PCDHGA7: variants seen among roughly 807,000 people sequenced by gnomAD.
PCDHGA7 encodes the protein protocadherin gamma subfamily A, 7, also known as protocadherin gamma-A7.
PCDHGA7 carries 44 observed loss-of-function variants against 58.3 expected under a neutral mutation model. The ratio of observed to expected loss-of-function variants is 0.75; its 90% confidence interval spans 0.59 to 0.97. The LOEUF (loss-of-function observed/expected upper bound fraction) is 0.97. Ranked by LOEUF, PCDHGA7 falls within the 50% of genes least tolerant of loss-of-function variation. PCDHGA7 has a pLI of 0.00. For synonymous variants in PCDHGA7, 516 were observed against 504.2 expected (o/e 1.02, Z -0.31); for missense variants, 1,266 against 1,188.7 (o/e 1.06, Z -0.96).
At position 141,431,433 on chromosome 5, in the gene PCDHGA7, C is replaced by T; in HGVS notation, c.2424+46110C>T. ...GGGGGCGACCCGGTGCGCACAGGCA[C>T]CGCGCGCATCCGCGTGATGGTTCTG... On this transcript the variant is annotated intron_variant, in intron 1 of 3. Transcript: ENST00000518325. This position sits in a 1 kb window ranked among gnomAD's most constrained non-coding sequence, Gnocchi z 4.8. 1.9e-6 allele frequency: 3 copies of T among 1,613,716 alleles called. No homozygotes were observed. The highest frequency in any genetic ancestry group is 2.5e-6 in the Non-Finnish European group (3 of 1,180,028).
rs1292277026 is a variant in PCDHGA7 at position 141,489,814 on chromosome 5, CCA to C, written c.2425-4992_2425-4991del. 6 of 1,614,024 alleles carry C rather than the reference CCA, an allele frequency of 3.7e-6. No homozygotes were observed. Among genetic ancestry groups the C allele is most frequent in the Non-Finnish European group, 8.5e-7 (1 of 1,180,004 alleles). ...GACCCTAAAAGATGGGAAGCCATTC[CCA>C]GAGCTGGTGCTAGAGCAGCAGCTGG... On this transcript the variant is annotated intron_variant, in intron 1 of 3. Transcript: ENST00000518325. This position sits in a 1 kb window ranked among gnomAD's most constrained non-coding sequence, Gnocchi z 4.5.
rs1199756501 is a variant in PCDHGA7 at position 141,493,222 on chromosome 5, C to A, written c.2425-1585C>A. Among the ~76,000 whole-genome samples the A allele has an allele frequency of 6.6e-6, 1 of 152,194 alleles. No individual in the cohort carries two copies. Among genetic ancestry groups the A allele is most frequent in the East Asian group, 1.9e-4 (1 of 5,196 alleles). ...ACCTCATCTCATTTGCTCTTCCCAC[C>A]ATTGCTGTTGGCTAGGTACTAACAT... On this transcript the variant is annotated intron_variant, in intron 1 of 3. Coordinates refer to ENST00000518325, the MANE Select transcript of PCDHGA7 (RefSeq NM_018920.4). This position sits in a 1 kb window ranked among gnomAD's most constrained non-coding sequence, Gnocchi z 4.3.
rs375436846 is a variant in PCDHGA7, at chr5:141,399,581, A to T, written c.2424+14258A>T. ...TTGGGGTTGAACGGCCAAGTCTCCT[A>T]CTCTATCATGGCCAGCGACCTAGAG... is the stretch of plus-strand genomic sequence containing the variant. On this transcript the variant is annotated intron_variant, in intron 1 of 3. Coordinates refer to ENST00000518325, the MANE Select transcript of PCDHGA7 (RefSeq NM_018920.4). 9.9e-6 allele frequency: 16 copies of T among 1,613,788 alleles called. No homozygotes were observed. The African/African-American group carries it at 1.9e-4, about 19-fold the overall frequency.
intron 1 of PCDHGA7, chr5:141,422,102 T>A: frequency 6.2e-7 from 1 of 1,609,526 alleles, no homozygotes; most frequent in Non-Finnish European, 8.5e-7. Context: ...GCTTCTGAAA[T>A]ATTCCAATTG....
intron 1 of PCDHGA7, chr5:141,410,800 T>G: frequency 1.5e-6 from 1 of 678,550 alleles, no homozygotes. Context: ...TAAGTTGCTC[T>G]ATCTTTTTGT....
In PCDHGA7 at chr5:141,382,819, G is replaced by A; in HGVS notation, c.-81G>A. 1.5e-6 allele frequency: 2 copies of A among 1,297,966 alleles called. No homozygotes were observed. Among genetic ancestry groups the A allele is most frequent in the Non-Finnish European group, 2.1e-6 (2 of 938,936 alleles). The allele number at this position is 1,297,966 out of a possible 1,614,324, so 80.4% of individuals were successfully genotyped here. ...CTGGATTCTGAGCTCCCCTTCCTAA[G>A]ACAGAGGGGTCCACCCGGATACACC... On this transcript the variant is annotated 5_prime_UTR_variant, in exon 1 of 4. Coordinates refer to ENST00000518325, the MANE Select transcript of PCDHGA7 (RefSeq NM_018920.4).
Position 141,485,790 on chromosome 5 carries a change from C to G in PCDHGA7, c.2425-9017C>G. 6.2e-7 allele frequency: 1 copy of G among 1,614,204 alleles called. No homozygotes were observed. The highest frequency in any genetic ancestry group is 8.5e-7 in the Non-Finnish European group (1 of 1,180,032). ...AAGCCTTTGGATCGAGAGAAGCAAT[C>G]GGACTACCGCCTGGTGCTGACTGCT... On this transcript the variant is annotated intron_variant, in intron 1 of 3. Transcript: ENST00000518325. This position sits in a 1 kb window ranked among gnomAD's most constrained non-coding sequence, Gnocchi z 5.7.
At chr5:141,421,241 T>C in intron 1 of PCDHGA7, 1 of 1,600,982 alleles carries the variant, frequency 6.2e-7, no homozygotes, top group Non-Finnish European at 8.5e-7. Flanking sequence ...GCGAATCGGC[T>C]ACAGCGCGGG....
At chr5:141,392,728 G>T in intron 1 of PCDHGA7, 1 of 1,407,730 alleles carries the variant, frequency 7.1e-7, no homozygotes, top group Non-Finnish European at 9.3e-7. Context: ...CCGGAGGATT[G>T]TCATCTCCAT....
chr5:141,492,833 C>T (rs951935267), intron 1 of PCDHGA7, among the ~76,000 whole-genome samples: 2 of 152,222 alleles, frequency 1.3e-5, no homozygotes, highest in African/African-American at 4.8e-5. Flanking sequence ...CCCTTCCTCC[C>T]GCAGGAAGTG....
intron 1 of PCDHGA7, chr5:141,423,206 C>A: frequency 6.2e-7 from 1 of 1,613,668 alleles, no homozygotes. Context: ...GCCACCGTCA[C>A]GCTCACCGTG....
Position 141,490,602 on chromosome 5 carries a change from C to G in PCDHGA7, c.2425-4205C>G, listed in dbSNP as rs1249440194. On this transcript the variant is annotated intron_variant, in intron 1 of 3. Transcript: ENST00000518325. This position sits in a 1 kb window ranked among gnomAD's most constrained non-coding sequence, Gnocchi z 5.4. Reference sequence around the variant, plus strand: ...ATGTCAATGACAATGCACCCCGCTTCAACCAGCAGCTTTACACTGCTTACA... The same window carrying G: ...ATGTCAATGACAATGCACCCCGCTTGAACCAGCAGCTTTACACTGCTTACA... The G allele has an allele frequency of 6.2e-7, 1 of 1,614,084 alleles. No individual in the cohort carries two copies. Among genetic ancestry groups the G allele is most frequent in the African/African-American group, 1.3e-5 (1 of 74,930 alleles).
chr5:141,511,093 G>A lies in PCDHGA7; in HGVS notation c.2719G>A (p.Ala907Thr), dbSNP rs377350933. The change falls in exon 4 of 4, where the codon GCA (alanine) becomes ACA (threonine). Residue 907 changes from alanine to threonine, a missense_variant. Physicochemically the swap from Ala to Thr is moderately conservative, Grantham distance 58. Coordinates refer to ENST00000518325, the MANE Select transcript of PCDHGA7 (RefSeq NM_018920.4). Reference protein sequence around the residue: ...IPGSNATLTNAAGKRDGKAPA... With the variant: ...IPGSNATLTNTAGKRDGKAPA... ...AGGCAGCAATGCCACACTGACCAACGCAGCTGGCAAGCGGGATGGCAAGGC... is the reference window on the plus strand; with the variant it reads ...AGGCAGCAATGCCACACTGACCAACACAGCTGGCAAGCGGGATGGCAAGGC... 8 of 1,614,072 alleles carry A rather than the reference G, an allele frequency of 5.0e-6. No individual in the cohort carries two copies. Among genetic ancestry groups the A allele is most frequent in the African/African-American group, 4.0e-5 (3 of 74,916 alleles).
At position 141,431,192 on chromosome 5, in the gene PCDHGA7, A is replaced by T. The variant is rs769745353; in HGVS notation, c.2424+45869A>T. 8.7e-6 allele frequency: 14 copies of T among 1,614,042 alleles called. No homozygotes were observed. Among genetic ancestry groups the T allele is most frequent in the African/African-American group, 2.7e-5 (2 of 74,912 alleles). On this transcript the variant is annotated intron_variant, in intron 1 of 3. Coordinates refer to ENST00000518325, the MANE Select transcript of PCDHGA7 (RefSeq NM_018920.4). This position sits in a 1 kb window ranked among gnomAD's most constrained non-coding sequence, Gnocchi z 4.8. ...TGAATTAGAAATAAAAATTAGTGAA[A>T]ATGCAGCCACTGAGATGCGGTTCCC...
In PCDHGA7 at chr5:141,392,992, C is replaced by A. The variant is rs1233401263; in HGVS notation, c.2424+7669C>A. ...CTGGGGCTGGACCCCCGGAAGCTGG[C>A]GAAGCACGGAGTCCGTATCGTCTCC... is the stretch of plus-strand genomic sequence containing the variant. On this transcript the variant is annotated intron_variant, in intron 1 of 3. Transcript: ENST00000518325. 5 of 1,613,818 alleles carry A rather than the reference C, an allele frequency of 3.1e-6. No homozygotes were observed. The Admixed American group carries it at 5.0e-5, about 16-fold the overall frequency.
chr5:141,425,528 C>CA (rs890632943), intron 1 of PCDHGA7, among the ~76,000 whole-genome samples: 1 of 152,200 alleles, frequency 6.6e-6, no homozygotes, highest in African/African-American at 2.4e-5. Context: ...AAACATGAAA[C>CA]AATAATCCTT....
At position 141,384,884 on chromosome 5, in the gene PCDHGA7, T is replaced by C. The variant is rs759644846; in HGVS notation, c.1985T>C (p.Val662Ala). ...CTGTCAGCCACCGTCACACTCACCG[T>C]GGCTGTGGCTGACAGCATCCCCGAA... is the stretch of plus-strand genomic sequence containing the variant. ...PPLSATVTLT[V>A]AVADSIPEVL... is the part of the protein sequence containing the mutation. Residue 662 changes from valine (V) to alanine (A), a missense_variant, in exon 1 of 4, where the codon GTG becomes GCG. Coordinates refer to ENST00000518325, the MANE Select transcript of PCDHGA7 (RefSeq NM_018920.4). 6.2e-7 allele frequency: 1 copy of C among 1,613,846 alleles called. No individual in the cohort carries two copies. Among genetic ancestry groups the C allele is most frequent in the East Asian group, 2.2e-5 (1 of 44,880 alleles).
Position 141,491,650 on chromosome 5 carries a change from G to C in PCDHGA7, c.2425-3157G>C, listed in dbSNP as rs1283977913. On this transcript the variant is annotated intron_variant, in intron 1 of 3. Coordinates refer to ENST00000518325, the MANE Select transcript of PCDHGA7 (RefSeq NM_018920.4). The surrounding 1 kb of genome is among the most constrained non-coding windows in gnomAD (Gnocchi z 6.9). ...TCAGCAGCCCACAGCTCTGGCGCTG[G>C]AGCCTGACGCCATCCGGTCCCGCTC... The C allele has an allele frequency of 6.2e-7, 1 of 1,613,876 alleles. No individual in the cohort carries two copies. The highest frequency in any genetic ancestry group is 1.7e-5 in the Admixed American group (1 of 60,034).
intron 3 of PCDHGA7, 162 bp downstream of exon 3, chr5:141,505,643 T>C: frequency 1.0e-6 from 1 of 967,852 alleles, no homozygotes. Context: ...AAGCCTGGAA[T>C]TGTGGCTAAG....
Sources: gnomAD v4.1 joint callset for allele counts (sites outside exome capture counted in the v4.1 genomes callset) on GRCh38, gnomAD v4.1.1 for gene constraint, Gnocchi (gnomAD v3.1) non-coding constraint, MANE v1.5 for transcripts, NCBI Gene and HGNC (gene_info 2026-07-23, HGNC 2026-07-21) for gene names.